The following GRHL2 variants were observed in gnomAD, a reference collection of about 807,000 sequenced individuals.
GRHL2 encodes the protein grainyhead like transcription factor 2.
GRHL2 carries 21 observed loss-of-function variants against 83.8 expected under a neutral mutation model. That is an observed-to-expected ratio of 0.25 (90% CI 0.18 to 0.36). GRHL2 has a LOEUF of 0.36. Ranked by LOEUF, GRHL2 falls within the 10% of genes least tolerant of loss-of-function variation. The probability of loss-of-function intolerance (pLI) is 1.00; values close to 1 mark genes in which losing one functional copy is unlikely to be tolerated. For synonymous variants in GRHL2, 280 were observed against 278.9 expected (o/e 1.00, Z -0.04); for missense variants, 623 against 781.8 (o/e 0.80, Z 2.42).
At chr8:101,557,224 C>T (rs1431581499) in intron 3 of GRHL2, among the ~76,000 whole-genome samples, 2 of 122,434 alleles carry the variant, frequency 1.6e-5, no homozygotes, top group Non-Finnish European at 1.6e-5. Flanking sequence ...ATTAACAATA[C>T]TTTTTTTTTT....
At chr8:101,575,041 A>G (rs1811905763) in intron 6 of GRHL2, among the ~76,000 whole-genome samples, 2 of 152,160 alleles carry the variant, frequency 1.3e-5, no homozygotes, top group African/African-American at 2.4e-5. Flanking sequence ...GGACTCCTGA[A>G]CCCAACTCTC....
chr8:101,636,882 T>G lies in GRHL2; in HGVS notation c.1486-15T>G. The G allele has an allele frequency of 6.2e-7, 1 of 1,612,378 alleles. No homozygotes were observed. Among genetic ancestry groups the G allele is most frequent in the Non-Finnish European group, 8.5e-7 (1 of 1,178,380 alleles). On this transcript the variant is annotated splice_polypyrimidine_tract_variant and intron_variant, in intron 11 of 15. Transcript: ENST00000646743. The stretch of plus-strand genomic sequence containing the variant: ...TGTCTCTGACCTACAGTAAGCCTAT[T>G]GTTTTGTTCCACAGGTGTATTACAA...
intron 1 of GRHL2, among the ~76,000 whole-genome samples, chr8:101,516,247 A>T (rs921193871): frequency 3.9e-5 from 6 of 152,200 alleles, no homozygotes; most frequent in Admixed American, 3.3e-4. Context: ...TGACCCACAT[A>T]ATATTTTCTT....
intron 14 of GRHL2, among the ~76,000 whole-genome samples, chr8:101,662,704 T>G (rs538395507): frequency 6.6e-6 from 1 of 152,146 alleles, no homozygotes; most frequent in Non-Finnish European, 1.5e-5. Context: ...TGTTACTACT[T>G]TATATTTATA....
chr8:101,548,252 C>T (rs1461194938), intron 2 of GRHL2, among the ~76,000 whole-genome samples: 2 of 152,196 alleles, frequency 1.3e-5, no homozygotes, highest in Non-Finnish European at 1.5e-5. Flanking sequence ...TATTGGATAT[C>T]TAAAGGCAGA....
intron 2 of GRHL2, among the ~76,000 whole-genome samples, chr8:101,547,828 T>C (rs1410961523): frequency 6.6e-6 from 1 of 152,254 alleles, no homozygotes; most frequent in Non-Finnish European, 1.5e-5. Flanking sequence ...TCAGTCATAA[T>C]TTAGAGACTA....
At chr8:101,587,086 G>A (rs1812184748) in intron 7 of GRHL2, among the ~76,000 whole-genome samples, 2 of 152,116 alleles carry the variant, frequency 1.3e-5, no homozygotes, top group African/African-American at 4.8e-5. Context: ...GTGGAAAATT[G>A]TTGAAGGGCA....
At chr8:101,662,585 GTGAGCCCCACCAGC>G (rs1813944991) in intron 14 of GRHL2, among the ~76,000 whole-genome samples, 1 of 152,184 alleles carries the variant, frequency 6.6e-6, no homozygotes, top group Non-Finnish European at 1.5e-5. Flanking sequence ...TCAGCTGCCT[GTGAGCCCCACCAGC>G]TGCTGGGCTC....
rs993904280 is a variant in GRHL2 at position 101,543,356 on chromosome 8, G to A, written c.136G>A (p.Ala46Thr). The change falls in exon 2 of 16, where the codon GCA becomes ACA. Residue 46 changes from alanine (A) to threonine (T), a missense_variant. Coordinates refer to ENST00000646743, the MANE Select transcript of GRHL2 (RefSeq NM_024915.4). ...WKSYLENPLTAATKAMMSING... is the reference protein window; with the variant it reads ...WKSYLENPLTTATKAMMSING... ...GTCATACTTGGAGAATCCCCTGACA[G>A]CAGCCACCAAGGCCATGATGAGCAT... 6.2e-7 allele frequency: 1 copy of A among 1,614,096 alleles called. No homozygotes were observed. The highest frequency in any genetic ancestry group is 1.3e-5 in the African/African-American group (1 of 75,042).
intron 5 of GRHL2, among the ~76,000 whole-genome samples, chr8:101,572,581 T>C (rs1811848749): frequency 6.6e-6 from 1 of 152,114 alleles, no homozygotes. Context: ...ATAAAAGAGC[T>C]AAAAAAATAA....
chr8:101,622,351 C>G (rs564232342), intron 9 of GRHL2, among the ~76,000 whole-genome samples: 18 of 152,118 alleles, frequency 1.2e-4, no homozygotes, highest in African/African-American at 3.6e-4. Flanking sequence ...TATTTCTTCT[C>G]GGGGACTCTA....
chr8:101,615,850 C>T (rs1355975468), intron 8 of GRHL2, among the ~76,000 whole-genome samples: 3 of 152,184 alleles, frequency 2.0e-5, no homozygotes, highest in South Asian at 2.1e-4. Context: ...ACTTGGTAGG[C>T]GCTTCAAAAA....
At chr8:101,582,901 T>A (rs1178218547) in intron 7 of GRHL2, among the ~76,000 whole-genome samples, 1 of 152,188 alleles carries the variant, frequency 6.6e-6, no homozygotes, top group Non-Finnish European at 1.5e-5. Flanking sequence ...TTAACATGAA[T>A]ATCTTGTTTA....
intron 7 of GRHL2, among the ~76,000 whole-genome samples, chr8:101,583,983 G>T (rs139608626): frequency 2.6e-5 from 4 of 152,254 alleles, no homozygotes; most frequent in African/African-American, 9.6e-5. Flanking sequence ...CTTTCAGAAC[G>T]GGCAGTACAG....
chr8:101,496,978 A>G (rs1321457864), intron 1 of GRHL2, among the ~76,000 whole-genome samples: 1 of 152,174 alleles, frequency 6.6e-6, no homozygotes, highest in Non-Finnish European at 1.5e-5. Context: ...ACAGTTGCAC[A>G]CTCAAAACAG....
intron 1 of GRHL2, among the ~76,000 whole-genome samples, chr8:101,522,572 T>G (rs1402285285): frequency 6.6e-6 from 1 of 152,166 alleles, no homozygotes; most frequent in African/African-American, 2.4e-5. Context: ...ATAACCTCTC[T>G]GGACTTCAGT....
intron 1 of GRHL2, among the ~76,000 whole-genome samples, chr8:101,540,333 T>C (rs970243793): frequency 5.9e-5 from 9 of 151,648 alleles, no homozygotes; most frequent in Admixed American, 2.6e-4. Context: ...GGTGAACAAA[T>C]ACTTACTTCT....
At chr8:101,499,156 A>G (rs1236596963) in intron 1 of GRHL2, among the ~76,000 whole-genome samples, 1 of 152,170 alleles carries the variant, frequency 6.6e-6, no homozygotes, top group African/African-American at 2.4e-5. Flanking sequence ...TCACCTGAAG[A>G]AGTGTTTGTT....
At chr8:101,587,130 A>G (rs994486486) in intron 7 of GRHL2, among the ~76,000 whole-genome samples, 2 of 152,232 alleles carry the variant, frequency 1.3e-5, no homozygotes, top group African/African-American at 4.8e-5. Context: ...ATGTGGAATT[A>G]AAACTTACAA....
Sources: allele counts gnomAD v4.1 joint callset (sites outside exome capture counted in the v4.1 genomes callset), GRCh38; gene constraint gnomAD v4.1.1; transcripts MANE v1.5; gene names NCBI Gene and HGNC (gene_info 2026-07-23, HGNC 2026-07-21).